Variants in PTPRF observed in about 807,000 individuals in gnomAD.
PTPRF encodes protein tyrosine phosphatase receptor type F, also known as receptor-type tyrosine-protein phosphatase F.
In PTPRF, 59 loss-of-function variants were observed where a neutral mutation model predicts 201.8. That is an observed-to-expected ratio of 0.29 (90% confidence interval 0.24 to 0.36). PTPRF has a LOEUF of 0.36. PTPRF is among the 10% of genes least tolerant of loss of function. The pLI is 1.00. For synonymous variants in PTPRF, 1,088 were observed against 1,089.7 expected (o/e 1.00, Z 0.03); for missense variants, 2,132 against 2,690.5 (o/e 0.79, Z 4.59).
rs1161939784 is a variant in PTPRF, at chr1:43,578,882, G to A, written c.641G>A (p.Gly214Asp). ...GAGTGTGTGGCGACCAACTCGGCAG[G>A]CACACGTTACTCAGCCCCTGCGAAC... ...KYECVATNSAGTRYSAPANLY... is the reference protein window; with the variant it reads ...KYECVATNSADTRYSAPANLY... Residue 214 changes from glycine (G) to aspartate (D), a missense_variant, in exon 7 of 34, where the codon GGC (glycine) becomes GAC (aspartate). Gly to Asp is a moderately conservative substitution (Grantham distance 94). Transcript: ENST00000359947. The A allele has an allele frequency of 6.2e-7, 1 of 1,614,198 alleles. No individual in the cohort carries two copies. The highest frequency in any genetic ancestry group is 8.5e-7 in the Non-Finnish European group (1 of 1,180,026).
In PTPRF at chr1:43,565,404, TCA is replaced by T. The variant is rs915103506; in HGVS notation, c.380-4178_380-4177del. 6.6e-5 allele frequency among the ~76,000 whole-genome samples: 10 copies of T among 152,320 alleles called. No individual in the cohort carries two copies. In the East Asian group the frequency reaches 1.9e-3, roughly 29 times the overall value. On this transcript the variant is annotated intron_variant, in intron 5 of 33. Coordinates refer to ENST00000359947, the MANE Select transcript of PTPRF (RefSeq NM_002840.5). ...CAGCGCAGTTAGGTGCAGGAGGCAT[TCA>T]CACACACGTGCACACTCCCCACCTT...
intron 1 of PTPRF, among the ~76,000 whole-genome samples, chr1:43,535,665 C>G (rs1213655932): frequency 6.6e-6 from 1 of 152,244 alleles, no homozygotes; most frequent in Non-Finnish European, 1.5e-5. Flanking sequence ...GGGAACCCTA[C>G]TGGGGCCAGC....
At chr1:43,608,047 C>G (rs1570610163) in intron 21 of PTPRF, among the ~76,000 whole-genome samples, 2 of 152,210 alleles carry the variant, frequency 1.3e-5, no homozygotes, top group Admixed American at 1.3e-4. Context: ...GTGTGCCTAC[C>G]CTGGACCCAC....
upstream of PTPRF, among the ~76,000 whole-genome samples, chr1:43,526,284 C>T (rs557022584): frequency 1.6e-4 from 24 of 152,124 alleles, 1 homozygote; most frequent in South Asian, 4.0e-3. Flanking sequence ...GTGACTCAGC[C>T]GGAAGAAATG....
intron 33 of PTPRF, among the ~76,000 whole-genome samples, chr1:43,621,575 T>C (rs1477283717): frequency 6.6e-6 from 1 of 152,166 alleles, no homozygotes; most frequent in African/African-American, 2.4e-5. Context: ...CTCAGGGGAT[T>C]GATGAGTAAG....
chr1:43,608,635 G>A (rs72877525), intron 21 of PTPRF, among the ~76,000 whole-genome samples: 3,494 of 152,270 alleles, frequency 0.023, 136 homozygotes, highest in African/African-American at 0.081. Flanking sequence ...ACCATCACCC[G>A]GCTCCCAGTT....
chr1:43,587,094 G>C (rs1156233116), intron 7 of PTPRF, among the ~76,000 whole-genome samples: 3 of 152,200 alleles, frequency 2.0e-5, no homozygotes, highest in African/African-American at 2.4e-5. Flanking sequence ...TTTGGGTTCT[G>C]TCTGGAGCAC....
upstream of PTPRF, among the ~76,000 whole-genome samples, chr1:43,525,804 C>CA (rs1179056466): frequency 0.26 from 9,065 of 35,268 alleles, 2,188 homozygotes; most frequent in Middle Eastern, 0.34. Context: ...GACTCAGTCT[C>CA]AAAAAAAAAA....
rs1645165833 is a variant in PTPRF at position 43,553,624 on chromosome 1, C to T, written c.224C>T (p.Ser75Phe). The T allele has an allele frequency of 3.7e-6, 6 of 1,614,156 alleles. No individual in the cohort carries two copies. The highest frequency in any genetic ancestry group is 5.1e-6 in the Non-Finnish European group (6 of 1,180,044). ...TWMKKGKKVS[S>F]QRFEVIEFDD... ...ATGAAGAAGGGGAAGAAAGTCAGCT[C>T]CCAGCGCTTCGAGGTGCGTCTGTGG... The change falls in exon 4 of 34, where the codon TCC (serine) becomes TTC (phenylalanine). Residue 75 changes from serine (S) to phenylalanine (F), a missense_variant. Transcript: ENST00000359947. This position sits in a 1 kb window ranked among gnomAD's most constrained non-coding sequence, Gnocchi z 4.1.
intron 6 of PTPRF, among the ~76,000 whole-genome samples, chr1:43,571,624 C>G (rs1246524345): frequency 6.6e-6 from 1 of 152,232 alleles, no homozygotes. Context: ...AAATTGGCCC[C>G]CTTCTCCCCT....
chr1:43,605,702 A>G lies in PTPRF; in HGVS notation c.3483+80A>G, dbSNP rs552987929. ...GCCTTCCTGCCCTGAGCACTGTCCC[A>G]GTGACTCTCAGATTCACTCCCCAAA... On this transcript the variant is annotated intron_variant, in intron 19 of 33. Coordinates refer to ENST00000359947, the MANE Select transcript of PTPRF (RefSeq NM_002840.5). 1.1e-5 allele frequency: 15 copies of G among 1,332,630 alleles called. No individual in the cohort carries two copies. In the African/African-American group the frequency reaches 1.7e-4, roughly 15 times the overall value. The allele number at this position is 1,332,630 out of a possible 1,614,324, so 82.6% of individuals were successfully genotyped here.
chr1:43,559,475 A>G (rs1292882700), intron 5 of PTPRF, among the ~76,000 whole-genome samples: 1 of 150,104 alleles, frequency 6.7e-6, no homozygotes, highest in African/African-American at 2.5e-5. Context: ...ATCAGGCAGT[A>G]TATGTGTGCG....
In PTPRF at chr1:43,598,896, A is replaced by G. The variant is rs775119587; in HGVS notation, c.2296A>G (p.Met766Val). ...PRGLPIIQDV[M>V]LAEAQWRPEE... ...TGGACTCCCCATCATCCAAGACGTC[A>G]TGCTAGCCGAGGCCCAGGTGCAGCA... The change falls in exon 13 of 34, where the codon ATG (methionine) becomes GTG (valine). Residue 766 changes from methionine to valine, a missense_variant. Met to Val is a conservative substitution (Grantham distance 21). Around this residue, in one of 6 missense-constraint regions of PTPRF, gnomAD observed 818 missense variants for 915.3 expected, o/e 0.89. Transcript: ENST00000359947. 3.7e-6 allele frequency: 6 copies of G among 1,613,726 alleles called. No homozygotes were observed. In the Admixed American group the frequency reaches 6.7e-5, roughly 18 times the overall value.
rs144109052 is a variant in PTPRF, at chr1:43,584,938, G to A, written c.680-3793G>A. On this transcript the variant is annotated intron_variant, in intron 7 of 33. Transcript: ENST00000359947. ...TGCTGATGCCTCTGGGCGCCGCACC[G>A]CCCTATTATAGGGGGTTGTCAGCGC... 1.1e-4 allele frequency among the ~76,000 whole-genome samples: 16 copies of A among 152,300 alleles called. No homozygotes were observed. In the East Asian group the frequency reaches 2.3e-3, roughly 22 times the overall value.
intron 6 of PTPRF, chr1:43,575,905 G>A (rs1018783155): frequency 1.9e-5 from 26 of 1,362,870 alleles, no homozygotes; most frequent in Admixed American, 3.8e-5. Context: ...AAATTACCTC[G>A]CCAGGTGGTT....
chr1:43,523,726 T>G (rs939323365), upstream of PTPRF, among the ~76,000 whole-genome samples: 3 of 152,028 alleles, frequency 2.0e-5, no homozygotes, highest in Middle Eastern at 3.4e-3. Context: ...AGGAATGCCA[T>G]AATGGCAAAC....
At position 43,605,384 on chromosome 1, in the gene PTPRF, C is replaced by T; in HGVS notation, c.3330C>T (p.Tyr1110=). 1.2e-6 allele frequency: 2 copies of T among 1,613,958 alleles called. No individual in the cohort carries two copies. Among genetic ancestry groups the T allele is most frequent in the Non-Finnish European group, 1.7e-6 (2 of 1,179,910 alleles). ...LPHKPLPASA[Y]IEDGRFDLSM... ...ACAAGCCGCTGCCTGCCTCTGCCTACATAGAGGACGGCCGCTTCGATCTCT... is the reference window on the plus strand; with the variant it reads ...ACAAGCCGCTGCCTGCCTCTGCCTATATAGAGGACGGCCGCTTCGATCTCT... The change falls in exon 18 of 34, where the codon TAC becomes TAT. Residue 1110 remains tyrosine, a synonymous_variant. Transcript: ENST00000359947.
At chr1:43,593,247 G>A (rs1557798915) in intron 11 of PTPRF, among the ~76,000 whole-genome samples, 1 of 152,208 alleles carries the variant, frequency 6.6e-6, no homozygotes, top group Non-Finnish European at 1.5e-5. Flanking sequence ...AGCTGTGGGA[G>A]TGGCACTGCC....
chr1:43,569,729 T>A lies in PTPRF; in HGVS notation c.519T>A (p.Leu173=). ...DPEISWFKDF[L]PVDPATSNGR... ...AGATTTCTTGGTTCAAGGACTTCCTTCCTGTAGACCCTGCCACGAGCAACG... is the reference window on the plus strand; with the variant it reads ...AGATTTCTTGGTTCAAGGACTTCCTACCTGTAGACCCTGCCACGAGCAACG... The change falls in exon 6 of 34, where the codon CTT becomes CTA. Residue 173 remains leucine, a synonymous_variant. Coordinates refer to ENST00000359947, the MANE Select transcript of PTPRF (RefSeq NM_002840.5). 6.2e-7 allele frequency: 1 copy of A among 1,613,864 alleles called. No individual in the cohort carries two copies. The highest frequency in any genetic ancestry group is 1.1e-5 in the South Asian group (1 of 91,062).
Sources: gnomAD v4.1 joint callset for allele counts (sites outside exome capture counted in the v4.1 genomes callset) on GRCh38, gnomAD v4.1.1 for gene constraint, gnomAD v4.1.1 regional missense constraint, Gnocchi (gnomAD v3.1) non-coding constraint, MANE v1.5 for transcripts, NCBI Gene and HGNC (gene_info 2026-07-23, HGNC 2026-07-21) for gene names.